The following PLEKHA7 variants were observed in gnomAD, a reference collection of about 807,000 sequenced individuals.
PLEKHA7 encodes pleckstrin homology domain-containing family A member 7.
A neutral mutation model predicts 170.0 loss-of-function variants in PLEKHA7; 104 were observed. That is an observed-to-expected ratio of 0.61 (90% CI 0.52 to 0.72). The LOEUF is 0.72. Ranked by LOEUF, PLEKHA7 falls within the 30% of genes least tolerant of loss-of-function variation. The pLI, the probability that PLEKHA7 is intolerant of heterozygous loss-of-function variation, is 0.00. For missense variants in PLEKHA7, 1,615 were observed against 1,671.7 expected, an observed-to-expected ratio of 0.97 and a Z score of 0.59; for synonymous variants, 648 against 660.8, an observed-to-expected ratio of 0.98 and a Z score of 0.30.
intron 3 of PLEKHA7, among the ~76,000 whole-genome samples, chr11:16,899,239 G>A (rs1377622953): frequency 6.6e-6 from 1 of 152,236 alleles, no homozygotes; most frequent in Non-Finnish European, 1.5e-5. Flanking sequence ...GCTCACGCCT[G>A]TAATCCCAAC....
intron 9 of PLEKHA7, among the ~76,000 whole-genome samples, chr11:16,832,194 G>A (rs1220581633): frequency 6.6e-6 from 1 of 152,186 alleles, no homozygotes; most frequent in Admixed American, 6.5e-5. Flanking sequence ...CAGTGCTACT[G>A]TACCAACCTA....
chr11:16,996,931 G>A (rs1293694179), intron 3 of PLEKHA7, among the ~76,000 whole-genome samples: 5 of 150,974 alleles, frequency 3.3e-5, no homozygotes, highest in South Asian at 2.1e-4. Flanking sequence ...GCAAGACTCC[G>A]TCTCAAAAAA....
At chr11:17,014,286 TC>T in intron 1 of PLEKHA7, 29 bp downstream of exon 1, 1 of 1,330,338 alleles carries the variant, frequency 7.5e-7, no homozygotes, top group Non-Finnish European at 9.9e-7. Context: ...CCCACCCGCG[TC>T]CCCGCGTCCC....
At chr11:16,853,827 C>T (rs2135444164) in intron 6 of PLEKHA7, among the ~76,000 whole-genome samples, 1 of 152,326 alleles carries the variant, frequency 6.6e-6, no homozygotes, top group Non-Finnish European at 1.5e-5. Flanking sequence ...GCTGTTGCAG[C>T]TGCCATGGGG....
intron 13 of PLEKHA7, among the ~76,000 whole-genome samples, chr11:16,811,076 G>A (rs1011076896): frequency 6.6e-6 from 1 of 152,148 alleles, no homozygotes; most frequent in African/African-American, 2.4e-5. Context: ...GTTCTGCTGT[G>A]CCATTCTGTG....
At chr11:16,889,848 GTCA>G (rs957771904) in intron 3 of PLEKHA7, among the ~76,000 whole-genome samples, 31 of 152,242 alleles carry the variant, frequency 2.0e-4, no homozygotes, top group African/African-American at 7.0e-4. Context: ...AAGGCATATA[GTCA>G]TCAGACTATT....
chr11:16,875,614 A>AT (rs574205482), intron 3 of PLEKHA7, among the ~76,000 whole-genome samples: 29 of 149,072 alleles, frequency 1.9e-4, no homozygotes, highest in African/African-American at 3.7e-4. Flanking sequence ...TGCCCGGCTA[A>AT]TTTTTTTTTT....
chr11:16,999,825 T>C (rs1031283955), intron 3 of PLEKHA7, among the ~76,000 whole-genome samples: 2 of 152,164 alleles, frequency 1.3e-5, no homozygotes, highest in Non-Finnish European at 2.9e-5. Context: ...GCTTCTACTT[T>C]CAGTGTCCAT....
chr11:16,789,323 G>C lies in PLEKHA7; in HGVS notation c.3157-27C>G, dbSNP rs2134196867. 6.2e-7 allele frequency: 1 copy of C among 1,608,272 alleles called. No individual in the cohort carries two copies. Among genetic ancestry groups the C allele is most frequent in the Non-Finnish European group, 8.5e-7 (1 of 1,177,450 alleles). ...TGAGGAAGAGGAGGCAGGCAAGAGA[G>C]ACACAGAACAGCTGGGCTGGGCACG... On this transcript the variant is annotated intron_variant, in intron 22 of 26. Coordinates refer to ENST00000531066, the MANE Select transcript of PLEKHA7 (RefSeq NM_001329630.2). This position sits in a 1 kb window ranked among gnomAD's most constrained non-coding sequence, Gnocchi z 4.6.
rs1848719412 is a variant in PLEKHA7 at position 16,803,226 on chromosome 11, C to T, written c.2076+1G>A. 1.2e-6 allele frequency: 2 copies of T among 1,613,312 alleles called. No individual in the cohort carries two copies. The highest frequency in any genetic ancestry group is 8.5e-7 in the Non-Finnish European group (1 of 1,179,238). On this transcript the variant is annotated splice_donor_variant, in intron 14 of 26. Coordinates refer to ENST00000531066, the MANE Select transcript of PLEKHA7 (RefSeq NM_001329630.2). LOFTEE classifies it high-confidence loss of function. ...GTCAGCGTGTCACTCTGCTCACTCA[C>T]GTCAGTGTCGCTCTCAGCGATCTTC...
chr11:16,964,555 C>T (rs1229011663), intron 3 of PLEKHA7, among the ~76,000 whole-genome samples: 1 of 152,110 alleles, frequency 6.6e-6, no homozygotes, highest in Non-Finnish European at 1.5e-5. Context: ...TCCTGAGGGG[C>T]CTTGGGGTAA....
chr11:16,982,545 C>A (rs970257627), intron 3 of PLEKHA7, among the ~76,000 whole-genome samples: 3 of 152,186 alleles, frequency 2.0e-5, no homozygotes, highest in Non-Finnish European at 4.4e-5. Context: ...GAACCCTAGA[C>A]GAAAGCAGGA....
chr11:16,952,218 G>A (rs1477125896), intron 3 of PLEKHA7, among the ~76,000 whole-genome samples: 1 of 152,210 alleles, frequency 6.6e-6, no homozygotes, highest in Non-Finnish European at 1.5e-5. Flanking sequence ...ATGAATGGAT[G>A]TAGGTAGAAG....
chr11:16,865,650 T>TCA, intron 4 of PLEKHA7, among the ~76,000 whole-genome samples: 1 of 149,986 alleles, frequency 6.7e-6, no homozygotes, highest in Admixed American at 6.6e-5. Context: ...TGACCCAAGA[T>TCA]CACACCACTG....
rs373973221 is a variant in PLEKHA7 at position 16,801,091 on chromosome 11, A to G, written c.2308-16T>C. The G allele has an allele frequency of 2.7e-4, 432 of 1,609,238 alleles. 4 individuals carry two copies. The South Asian group carries it at 2.9e-3, about 11-fold the overall frequency. On this transcript the variant is annotated splice_polypyrimidine_tract_variant and intron_variant, in intron 16 of 26. Transcript: ENST00000531066. ...TTTCCATCTCCTGTTGGCCAAGACA[A>G]TGCTTCCGGTTCTTAGTTATCCCCT...
chr11:16,950,780 C>T (rs1590701159), intron 3 of PLEKHA7, among the ~76,000 whole-genome samples: 1 of 151,728 alleles, frequency 6.6e-6, no homozygotes. Context: ...TTTTCCCAAA[C>T]ATTTTCCCCT....
At chr11:16,899,948 G>A (rs1029663336) in intron 3 of PLEKHA7, among the ~76,000 whole-genome samples, 2 of 152,172 alleles carry the variant, frequency 1.3e-5, no homozygotes, top group African/African-American at 4.8e-5. Context: ...CAGGTGCTAG[G>A]GGTAGGCAGG....
chr11:16,852,748 A>G (rs1453919820), intron 6 of PLEKHA7, among the ~76,000 whole-genome samples: 1 of 152,202 alleles, frequency 6.6e-6, no homozygotes, highest in Non-Finnish European at 1.5e-5. Flanking sequence ...GAACTATTGA[A>G]AAGAGTTTAA....
rs758736037 is a variant in PLEKHA7, at chr11:17,014,148, T to C, written c.140A>G (p.Asn47Ser). Residue 47 changes from asparagine (N) to serine (S), a missense_variant, in exon 2 of 27, where the codon AAC (asparagine) becomes AGC (serine). Asn to Ser is a conservative substitution (Grantham distance 46). Coordinates refer to ENST00000531066, the MANE Select transcript of PLEKHA7 (RefSeq NM_001329630.2). The part of the protein sequence containing the change: ...WLHPRTGEPV[N>S]SGHMIRSDLP... ...ACCTGAGCGGATCATGTGGCCCGAG[T>C]TGACGGGCTCCCCGGTGCGCGGATG... is the stretch of plus-strand genomic sequence containing the variant. The C allele has an allele frequency of 2.5e-6, 4 of 1,601,004 alleles. No homozygotes were observed. Among genetic ancestry groups the C allele is most frequent in the South Asian group, 1.1e-5 (1 of 89,698 alleles).
Sources: gnomAD v4.1 joint callset for allele counts (sites outside exome capture counted in the v4.1 genomes callset) on GRCh38, gnomAD v4.1.1 for gene constraint, Gnocchi (gnomAD v3.1) non-coding constraint, MANE v1.5 for transcripts, NCBI Gene and HGNC (gene_info 2026-07-23, HGNC 2026-07-21) for gene names.